The following EPSTI1 variants were observed in gnomAD, a reference collection of about 807,000 sequenced individuals.
EPSTI1 encodes epithelial-stromal interaction protein 1.
In EPSTI1, 66 loss-of-function variants were observed where a neutral mutation model predicts 49.9. That is an observed-to-expected ratio of 1.32 (90% confidence interval 1.08 to 1.62). The LOEUF is 1.62. EPSTI1 is among the 40% of genes most tolerant of loss of function. The pLI is 0.00. For synonymous variants in EPSTI1, 137 were observed against 130.7 expected, an observed-to-expected ratio of 1.05 and a Z score of -0.33; for missense variants, 394 against 365.5, an observed-to-expected ratio of 1.08 and a Z score of -0.64.
chr13:42,899,637 C>A (rs2037297934), intron 9 of EPSTI1, among the ~76,000 whole-genome samples: 1 of 152,130 alleles, frequency 6.6e-6, no homozygotes, highest in Admixed American at 6.5e-5. Flanking sequence ...TTGTGAAAAC[C>A]CTTACATTCT....
intron 7 of EPSTI1, among the ~76,000 whole-genome samples, chr13:42,921,472 T>C (rs563546969): frequency 2.3e-4 from 35 of 152,224 alleles, no homozygotes; most frequent in Non-Finnish European, 3.8e-4. Flanking sequence ...GTGTCTTCTC[T>C]TGGGAAGCCA....
chr13:42,903,247 T>G (rs1430321599), intron 8 of EPSTI1, among the ~76,000 whole-genome samples: 1 of 152,026 alleles, frequency 6.6e-6, no homozygotes, highest in Non-Finnish European at 1.5e-5. Context: ...TTTTTCAGAC[T>G]TGGCAAAATG....
At chr13:42,989,301 G>T (rs1362064011) in intron 1 of EPSTI1, among the ~76,000 whole-genome samples, 1 of 151,938 alleles carries the variant, frequency 6.6e-6, no homozygotes, top group Non-Finnish European at 1.5e-5. Context: ...TATGAAGTTG[G>T]TATTGTCTTA....
chr13:42,976,460 C>T (rs890009263), intron 1 of EPSTI1, among the ~76,000 whole-genome samples: 5 of 152,146 alleles, frequency 3.3e-5, no homozygotes, highest in African/African-American at 1.2e-4. Context: ...ACTCTCTTTT[C>T]CAGCAAGAGA....
At chr13:42,938,931 A>AAAAAAAAAAAAAAC (rs1283144806) in intron 6 of EPSTI1, among the ~76,000 whole-genome samples, 1 of 150,540 alleles carries the variant, frequency 6.6e-6, no homozygotes, top group Non-Finnish European at 1.5e-5. Context: ...AAAAAAAAAA[A>AAAAAAAAAAAAAAC]ATCTGTTGTT....
chr13:42,947,249 CTTTTAACACATA>C (rs2038943755), intron 6 of EPSTI1, among the ~76,000 whole-genome samples: 1 of 152,108 alleles, frequency 6.6e-6, no homozygotes, highest in South Asian at 2.1e-4. Context: ...ACTACCTGTA[CTTTTAACACATA>C]TCAGGCACTT....
intron 1 of EPSTI1, among the ~76,000 whole-genome samples, chr13:42,977,833 T>C (rs1193227148): frequency 1.3e-5 from 2 of 152,224 alleles, no homozygotes; most frequent in African/African-American, 4.8e-5. Context: ...ACCCTGAATA[T>C]CTGAGGCAGG....
In EPSTI1 at chr13:42,917,533, G is replaced by GT; in HGVS notation, c.741+7dup. On this transcript the variant is annotated splice_region_variant and intron_variant, in intron 8 of 10. Coordinates refer to ENST00000313624, the MANE Select transcript of EPSTI1 (RefSeq NM_033255.5). ...AGTTAGCAATAACTAGTAGGGGCTT[G>GT]TAAGTACCTTTTGATGTTGTTCATC... is the stretch of plus-strand genomic sequence containing the variant. The GT allele has an allele frequency of 6.4e-7, 1 of 1,569,270 alleles. No individual in the cohort carries two copies. The highest frequency in any genetic ancestry group is 1.1e-5 in the South Asian group (1 of 90,410).
At chr13:42,987,317 T>G (rs550390210) in intron 1 of EPSTI1, among the ~76,000 whole-genome samples, 45 of 152,052 alleles carry the variant, frequency 3.0e-4, no homozygotes, top group African/African-American at 1.1e-3. Context: ...GGGTCACAGT[T>G]AGTTGGTGTT....
intron 8 of EPSTI1, among the ~76,000 whole-genome samples, chr13:42,901,881 G>A (rs1255395296): frequency 1.3e-5 from 2 of 151,972 alleles, no homozygotes; most frequent in South Asian, 2.1e-4. Context: ...TCGTCATCTA[G>A]CATTAGGTAT....
intron 8 of EPSTI1, among the ~76,000 whole-genome samples, chr13:42,911,551 G>A (rs1175478594): frequency 6.6e-6 from 1 of 152,106 alleles, no homozygotes; most frequent in Admixed American, 6.5e-5. Context: ...AGTCATTAGA[G>A]TTATATATTT....
At chr13:42,891,191 T>C (rs78334712) in intron 10 of EPSTI1, among the ~76,000 whole-genome samples, 9,946 of 152,322 alleles carry the variant, frequency 0.065, 398 homozygotes, top group Admixed American at 0.092. Flanking sequence ...GTCTATTTTT[T>C]TTCTATACGG....
chr13:42,979,597 A>G (rs899269562), intron 1 of EPSTI1, among the ~76,000 whole-genome samples: 26 of 120,226 alleles, frequency 2.2e-4, no homozygotes, highest in African/African-American at 6.1e-4. Flanking sequence ...AAAAAAAAAA[A>G]AAAAAGAAAA....
rs574656895 is a variant in EPSTI1, at chr13:42,954,279, T to G, written c.490-258A>C. Among the ~76,000 whole-genome samples, 42 of 152,348 alleles carry G rather than the reference T, an allele frequency of 2.8e-4. No individual in the cohort carries two copies. In the South Asian group the frequency reaches 8.1e-3, roughly 29 times the overall value. ...ATCACAGAACCAGCATTTTGCGTTT[T>G]TATTCTTTAGTTCAAATGATAGCAA... On this transcript the variant is annotated intron_variant, in intron 5 of 10. Coordinates refer to ENST00000313624, the MANE Select transcript of EPSTI1 (RefSeq NM_033255.5).
In EPSTI1 at chr13:42,922,225, A is replaced by G. The variant is rs1361691228; in HGVS notation, c.657+4111T>C. ...TTCGGAGCTAACTAAGAAAAGAAAC[A>G]GGTGGTGGGTTGCATAATGGCCCCC... On this transcript the variant is annotated intron_variant, in intron 7 of 10. Coordinates refer to ENST00000313624, the MANE Select transcript of EPSTI1 (RefSeq NM_033255.5). The surrounding 1 kb of genome is among the most constrained non-coding windows in gnomAD (Gnocchi z 4.8). Among the ~76,000 whole-genome samples, 1 of 152,248 alleles carries G rather than the reference A, an allele frequency of 6.6e-6. No homozygotes were observed. Among genetic ancestry groups the G allele is most frequent in the Non-Finnish European group, 1.5e-5 (1 of 68,046 alleles).
At chr13:42,960,798 C>T (rs2039425092) in intron 5 of EPSTI1, among the ~76,000 whole-genome samples, 2 of 152,180 alleles carry the variant, frequency 1.3e-5, no homozygotes, top group Non-Finnish European at 2.9e-5. Context: ...TCAAAGCCAG[C>T]AGTGGTGGGC....
intron 1 of EPSTI1, among the ~76,000 whole-genome samples, chr13:42,974,439 C>T (rs9567081): frequency 0.33 from 50,451 of 151,912 alleles, 8,454 homozygotes; most frequent in Middle Eastern, 0.5. Context: ...GGGCGGATCA[C>T]GAGGTCAGGA....
intron 1 of EPSTI1, among the ~76,000 whole-genome samples, chr13:42,984,071 G>A (rs1220444893): frequency 6.6e-6 from 1 of 152,172 alleles, no homozygotes; most frequent in African/African-American, 2.4e-5. Flanking sequence ...TCATTAGGAA[G>A]AGTTAAATAC....
chr13:42,894,883 C>A (rs2037145154), intron 10 of EPSTI1, 126 bp downstream of exon 10: 4 of 760,154 alleles, frequency 5.3e-6, no homozygotes, highest in Non-Finnish European at 8.4e-6. Flanking sequence ...CTGCCCATCA[C>A]ACTGCCAAAC....
Sources: gnomAD v4.1 joint callset for allele counts (sites outside exome capture counted in the v4.1 genomes callset) on GRCh38, gnomAD v4.1.1 for gene constraint, Gnocchi (gnomAD v3.1) non-coding constraint, MANE v1.5 for transcripts, NCBI Gene and HGNC (gene_info 2026-07-23, HGNC 2026-07-21) for gene names.